Variants in SLC2A13 observed in about 807,000 individuals in gnomAD.
The protein encoded by SLC2A13 is proton myo-inositol cotransporter.
In SLC2A13, 32 loss-of-function variants were observed where a neutral mutation model predicts 64.4. That is an observed-to-expected ratio of 0.50 (90% CI 0.37 to 0.67). SLC2A13 has a LOEUF of 0.67. Among genes scored for constraint, SLC2A13 ranks in the 30% least tolerant of loss-of-function variants. The probability of loss-of-function intolerance (pLI) is 0.00; values close to 1 mark genes in which losing one functional copy is unlikely to be tolerated. For synonymous variants in SLC2A13, 338 were observed against 327.1 expected (o/e 1.03, Z -0.36); for missense variants, 743 against 829.2 (o/e 0.90, Z 1.28).
intron 4 of SLC2A13, among the ~76,000 whole-genome samples, chr12:39,946,977 T>C (rs61931461): frequency 0.11 from 16,013 of 152,194 alleles, 893 homozygotes; most frequent in East Asian, 0.19. Context: ...GATGGATCAC[T>C]GTGGTGCCAG....
chr12:39,814,902 T>TATG (rs1942298338), intron 7 of SLC2A13, among the ~76,000 whole-genome samples: 1 of 152,158 alleles, frequency 6.6e-6, no homozygotes, highest in African/African-American at 2.4e-5. Flanking sequence ...GGCAGAAAGA[T>TATG]ATGATAGATT....
intron 6 of SLC2A13, among the ~76,000 whole-genome samples, chr12:39,839,216 A>G (rs1340354442): frequency 2.0e-5 from 3 of 152,172 alleles, no homozygotes; most frequent in Non-Finnish European, 4.4e-5. Flanking sequence ...CAGCGACTCC[A>G]TGCCTTGCTT....
At chr12:39,972,001 T>TAG (rs1946658298) in intron 3 of SLC2A13, among the ~76,000 whole-genome samples, 1 of 22,948 alleles carries the variant, frequency 4.4e-5, no homozygotes, top group East Asian at 1.1e-3. Context: ...AAAAAAAATA[T>TAG]ATATATATAT....
chr12:39,824,289 A>T (rs538027103), intron 7 of SLC2A13, among the ~76,000 whole-genome samples: 1 of 152,234 alleles, frequency 6.6e-6, no homozygotes, highest in South Asian at 2.1e-4. Flanking sequence ...TCTGATTCAC[A>T]TCAAAGATGA....
intron 4 of SLC2A13, among the ~76,000 whole-genome samples, chr12:39,914,494 G>A (rs544509346): frequency 3.3e-5 from 5 of 152,084 alleles, no homozygotes; most frequent in Non-Finnish European, 7.4e-5. Flanking sequence ...TACACAAGGA[G>A]AGGGAACTCA....
At chr12:39,982,857 C>G (rs975913575) in intron 3 of SLC2A13, among the ~76,000 whole-genome samples, 16 of 127,328 alleles carry the variant, frequency 1.3e-4, no homozygotes, top group South Asian at 2.6e-4. Flanking sequence ...CAAAAAAGAG[C>G]CCGCATTGCC....
At chr12:39,826,941 A>T (rs896895071) in intron 7 of SLC2A13, among the ~76,000 whole-genome samples, 1 of 130,334 alleles carries the variant, frequency 7.7e-6, no homozygotes, top group Non-Finnish European at 1.5e-5. Context: ...GCCTCCAATA[A>T]TTGGTGTCGT....
chr12:39,842,446 G>GA (rs933937954), intron 6 of SLC2A13, among the ~76,000 whole-genome samples: 1 of 152,012 alleles, frequency 6.6e-6, no homozygotes, highest in African/African-American at 2.4e-5. Flanking sequence ...ATGCCATTGA[G>GA]AAAACTGATC....
intron 4 of SLC2A13, among the ~76,000 whole-genome samples, chr12:39,915,942 C>A (rs1167371926): frequency 6.6e-6 from 1 of 151,166 alleles, no homozygotes; most frequent in Non-Finnish European, 1.5e-5. Flanking sequence ...AAGGCTCGAC[C>A]ACTTACATTT....
intron 6 of SLC2A13, among the ~76,000 whole-genome samples, chr12:39,830,720 CATT>C (rs921848981): frequency 1.3e-5 from 2 of 151,980 alleles, no homozygotes; most frequent in East Asian, 1.9e-4. Flanking sequence ...CAACGAAAAA[CATT>C]ATGTCTAAAG....
intron 3 of SLC2A13, among the ~76,000 whole-genome samples, chr12:39,962,750 C>A (rs551019417): frequency 1.3e-5 from 2 of 152,230 alleles, no homozygotes; most frequent in Non-Finnish European, 2.9e-5. Flanking sequence ...GACTATACAA[C>A]CATAATCAGT....
intron 4 of SLC2A13, among the ~76,000 whole-genome samples, chr12:39,913,021 A>G (rs564959864): frequency 7.2e-5 from 11 of 152,232 alleles, no homozygotes; most frequent in African/African-American, 2.4e-4. Flanking sequence ...GATATCTTGA[A>G]AGATGTGTTC....
At chr12:40,043,164 T>C (rs1272639925) in intron 2 of SLC2A13, among the ~76,000 whole-genome samples, 1 of 152,118 alleles carries the variant, frequency 6.6e-6, no homozygotes, top group Non-Finnish European at 1.5e-5. Context: ...ATTTTACTAG[T>C]GGCATGCCCA....
chr12:39,814,766 A>G (rs897721820), intron 7 of SLC2A13, among the ~76,000 whole-genome samples: 3 of 151,980 alleles, frequency 2.0e-5, no homozygotes, highest in Non-Finnish European at 4.4e-5. Flanking sequence ...TTTAAATTTC[A>G]CATTTGCCAA....
At chr12:40,099,469 G>A (rs755881070) in intron 1 of SLC2A13, among the ~76,000 whole-genome samples, 1 of 152,174 alleles carries the variant, frequency 6.6e-6, no homozygotes, top group African/African-American at 2.4e-5. Context: ...ATCATTAAAG[G>A]TGTTCAAAAA....
At chr12:39,796,176 G>A (rs1031904278) in intron 7 of SLC2A13, among the ~76,000 whole-genome samples, 1 of 152,094 alleles carries the variant, frequency 6.6e-6, no homozygotes, top group Non-Finnish European at 1.5e-5. Context: ...TGTTTCCAAG[G>A]TTATGCATGG....
At chr12:39,908,289 C>T (rs915106869) in intron 4 of SLC2A13, 3 of 151,696 alleles carry the variant, frequency 2.0e-5, no homozygotes, top group Non-Finnish European at 4.4e-5. Context: ...ATAATAAAAC[C>T]CCCCAAACAA....
chr12:39,868,268 T>C (rs1943957336), intron 5 of SLC2A13, among the ~76,000 whole-genome samples: 1 of 152,224 alleles, frequency 6.6e-6, no homozygotes, highest in South Asian at 2.1e-4. Flanking sequence ...TTTTGGAATT[T>C]TGATATAATT....
At chr12:39,985,824 C>T (rs149396447) in intron 3 of SLC2A13, among the ~76,000 whole-genome samples, 18 of 152,150 alleles carry the variant, frequency 1.2e-4, no homozygotes, top group Admixed American at 7.2e-4. Context: ...TTTCATGCTA[C>T]CATATCATAC....
Sources: allele counts gnomAD v4.1 joint callset (sites outside exome capture counted in the v4.1 genomes callset), GRCh38; gene constraint gnomAD v4.1.1; transcripts MANE v1.5; gene names NCBI Gene and HGNC (gene_info 2026-07-23, HGNC 2026-07-21).